SCAP: variants seen among roughly 807,000 people sequenced by gnomAD.
The protein encoded by SCAP is SREBF chaperone, also known as sterol regulatory element-binding protein cleavage-activating protein.
SCAP carries 65 observed loss-of-function variants against 123.6 expected under a neutral mutation model. That is an observed-to-expected ratio of 0.53 (90% CI 0.43 to 0.65). The LOEUF is 0.65. SCAP is among the 30% of genes least tolerant of loss of function. The pLI is 0.00. For synonymous variants in SCAP, 740 were observed against 726.3 expected (o/e 1.02, Z -0.30); for missense variants, 1,398 against 1,712.5 (o/e 0.82, Z 3.24).
In SCAP at chr3:47,460,660, C is replaced by T. The variant is rs113175900; in HGVS notation, c.-99+15139G>A. On this transcript the variant is annotated intron_variant, in intron 1 of 22. Transcript: ENST00000265565. ...CTCTGCCCCCGCCCCCAGGTTCAAG[C>T]GATTCTCCTGCCTCAGCCTCCCAAG... Among the ~76,000 whole-genome samples the T allele has an allele frequency of 6.4e-3, 973 of 152,126 alleles. 7 individuals carry two copies. The highest frequency in any genetic ancestry group is 0.02 in the African/African-American group (839 of 41,484).
rs1705629025 is a variant in SCAP at position 47,417,296 on chromosome 3, C to T, written c.2970+8G>A. The T allele has an allele frequency of 3.1e-6, 5 of 1,612,214 alleles. No homozygotes were observed. The East Asian group carries it at 1.1e-4, about 36-fold the overall frequency. ...GCCGCTCTGCCCACCTTTAGCCCCT[C>T]TGCCCACCTCCAGCCGGCCGCTGCT... On this transcript the variant is annotated splice_region_variant and intron_variant, in intron 17 of 22. Coordinates refer to ENST00000265565, the MANE Select transcript of SCAP (RefSeq NM_012235.4).
chr3:47,443,193 G>A, intron 1 of SCAP, 102 bp from the exon 2 acceptor site: 1 of 817,782 alleles, frequency 1.2e-6, no homozygotes, highest in Non-Finnish European at 1.8e-6. Flanking sequence ...AATGGTTTCA[G>A]AATGCCTATA....
chr3:47,437,985 G>A (rs1706651409), intron 2 of SCAP, among the ~76,000 whole-genome samples: 1 of 152,056 alleles, frequency 6.6e-6, no homozygotes, highest in African/African-American at 2.4e-5. Context: ...CAGTGTAATA[G>A]GAGTTCCAGT....
At chr3:47,448,853 G>C (rs940288649) in intron 1 of SCAP, among the ~76,000 whole-genome samples, 1 of 152,154 alleles carries the variant, frequency 6.6e-6, no homozygotes, top group Non-Finnish European at 1.5e-5. Flanking sequence ...TCTGTTGGCT[G>C]TCTTTTCCCC....
intron 1 of SCAP, chr3:47,443,383 C>T (rs1020428853): frequency 5.1e-6 from 1 of 195,104 alleles, no homozygotes; most frequent in African/African-American, 2.3e-5. Context: ...GCATTTTTCT[C>T]ATGTGTGGCA....
Position 47,414,529 on chromosome 3 carries a change from G to A in SCAP, c.3387+43C>T, listed in dbSNP as rs781363480. On this transcript the variant is annotated intron_variant, in intron 21 of 22. Coordinates refer to ENST00000265565, the MANE Select transcript of SCAP (RefSeq NM_012235.4). ...AGCTCCCAGGAGTCAGCAAACATGG[G>A]CCACAGACTCTGTACCCCCTACCCC... 3.1e-6 allele frequency: 5 copies of A among 1,609,622 alleles called. No individual in the cohort carries two copies. The African/African-American group carries it at 4.0e-5, about 13-fold the overall frequency.
chr3:47,429,725 C>A (rs1367561682), intron 3 of SCAP, among the ~76,000 whole-genome samples: 1 of 152,244 alleles, frequency 6.6e-6, no homozygotes, highest in East Asian at 1.9e-4. Context: ...CACAGCCACA[C>A]CCCTACCATT....
At position 47,435,266 on chromosome 3, in the gene SCAP, A is replaced by G. The variant is rs576872582; in HGVS notation, c.123-129T>C. 5 of 1,050,690 alleles carry G rather than the reference A, an allele frequency of 4.8e-6. No homozygotes were observed. In the African/African-American group the frequency reaches 8.2e-5, roughly 17 times the overall value. The allele number at this position is 1,050,690 out of a possible 1,614,324, so 65.1% of individuals were successfully genotyped here. A position where few individuals can be genotyped will look rare whatever the true frequency, so the allele number is the denominator to read the frequency against. ...ACTGTACAAATGTGCAAAATATTAG[A>G]ATCACAAAATTGCAAAGCTGAAACT... On this transcript the variant is annotated intron_variant, in intron 2 of 22. Transcript: ENST00000265565.
intron 2 of SCAP, 49 bp downstream of exon 2, chr3:47,442,823 C>T (rs779928496): frequency 3.7e-5 from 57 of 1,559,656 alleles, no homozygotes; most frequent in South Asian, 1.8e-4. Context: ...AGAAAACCTA[C>T]TGTCCTAAGA....
At chr3:47,434,121 C>T (rs188708239) in intron 3 of SCAP, among the ~76,000 whole-genome samples, 4 of 152,292 alleles carry the variant, frequency 2.6e-5, no homozygotes, top group African/African-American at 7.2e-5. Flanking sequence ...AGATATGCCT[C>T]TATTTCAGCC....
chr3:47,455,041 A>AAT (rs1707363796), intron 1 of SCAP, among the ~76,000 whole-genome samples: 2 of 138,912 alleles, frequency 1.4e-5, no homozygotes, highest in South Asian at 4.4e-4. Flanking sequence ...ACAAAATCCA[A>AAT]ATATATATAC....
chr3:47,440,744 CA>C (rs975369219), intron 2 of SCAP, among the ~76,000 whole-genome samples: 9 of 152,220 alleles, frequency 5.9e-5, no homozygotes, highest in African/African-American at 1.9e-4. Context: ...CCTATAGTCC[CA>C]ACTACTCAGA....
At position 47,420,880 on chromosome 3, in the gene SCAP, G is replaced by A. The variant is rs770716348; in HGVS notation, c.1344+51C>T. ...ACCCTTCTCACCCAGGACTCCCTCA[G>A]TACAGCCAGGGCTGAGGAGGCGGGC... is the stretch of plus-strand genomic sequence containing the variant. On this transcript the variant is annotated intron_variant, in intron 11 of 22. Transcript: ENST00000265565. This position sits in a 1 kb window ranked among gnomAD's most constrained non-coding sequence, Gnocchi z 5.0. 2 of 1,592,826 alleles carry A rather than the reference G, an allele frequency of 1.3e-6. No individual in the cohort carries two copies. Among genetic ancestry groups the A allele is most frequent in the Non-Finnish European group, 1.7e-6 (2 of 1,161,200 alleles).
At chr3:47,423,861 T>C (rs1040767374) in intron 9 of SCAP, 72 bp downstream of exon 9, 2 of 1,102,080 alleles carry the variant, frequency 1.8e-6, no homozygotes, top group Non-Finnish European at 2.8e-6. Flanking sequence ...TCACAGAGCG[T>C]TAACAGCAAG....
chr3:47,429,194 A>T (rs1706262468), intron 3 of SCAP, among the ~76,000 whole-genome samples: 1 of 152,230 alleles, frequency 6.6e-6, no homozygotes, highest in Admixed American at 6.5e-5. Flanking sequence ...TAGGGAGTCA[A>T]CCTTCAATAT....
chr3:47,440,908 CTT>C (rs1001394465), intron 2 of SCAP, among the ~76,000 whole-genome samples: 2 of 144,910 alleles, frequency 1.4e-5, no homozygotes, highest in African/African-American at 2.5e-5. Context: ...CTTTCCTCCT[CTT>C]TTTTTTTTTT....
rs1179122164 is a variant in SCAP, at chr3:47,472,855, C to T, written c.-99+2944G>A. Among the ~76,000 whole-genome samples the T allele has an allele frequency of 3.3e-5, 5 of 151,810 alleles. No individual in the cohort carries two copies. In the East Asian group the frequency reaches 5.8e-4, roughly 18 times the overall value. On this transcript the variant is annotated intron_variant, in intron 1 of 22. Transcript: ENST00000265565. ...CAGCACTTTGGGAGGCCGAGGCGGG[C>T]GGATCACCTGAGATCGGGAGTCTGA...
Position 47,420,585 on chromosome 3 carries a change from G to C in SCAP, c.1532C>G (p.Ala511Gly). Residue 511 changes from alanine to glycine, a missense_variant, in exon 12 of 23, where the codon GCC (alanine) becomes GGC (glycine). Transcript: ENST00000265565. The surrounding 1 kb of genome is among the most constrained non-coding windows in gnomAD (Gnocchi z 5.0). Reference sequence around the variant, plus strand: ...GAGGCGCTGTGCCAGGCGGGTGCGGGCCAGGAAGTAGACAACACGCAGCCT... The same window carrying C: ...GAGGCGCTGTGCCAGGCGGGTGCGGCCCAGGAAGTAGACAACACGCAGCCT... ...PKRLRVVYFLARTRLAQRLIM... is the reference protein window; with the variant it reads ...PKRLRVVYFLGRTRLAQRLIM... The C allele has an allele frequency of 6.2e-7, 1 of 1,610,548 alleles. No homozygotes were observed. Among genetic ancestry groups the C allele is most frequent in the Non-Finnish European group, 8.5e-7 (1 of 1,179,006 alleles).
chr3:47,416,935 GC>G (rs957311025), intron 18 of SCAP, among the ~76,000 whole-genome samples, 186 bp downstream of exon 18: 3 of 151,978 alleles, frequency 2.0e-5, no homozygotes, highest in Non-Finnish European at 4.4e-5. Flanking sequence ...CACCCCTAAC[GC>G]TTTTAATTGT....
Sources: allele counts gnomAD v4.1 joint callset (sites outside exome capture counted in the v4.1 genomes callset), GRCh38; gene constraint gnomAD v4.1.1; non-coding constraint Gnocchi (gnomAD v3.1); transcripts MANE v1.5; gene names NCBI Gene and HGNC (gene_info 2026-07-23, HGNC 2026-07-21).